The following ADAMTS17 variants were observed in gnomAD, a reference collection of about 807,000 sequenced individuals.
The protein encoded by ADAMTS17 is A disintegrin and metalloproteinase with thrombospondin motifs 17.
A neutral mutation model predicts 141.5 loss-of-function variants in ADAMTS17; 113 were observed. The observed-to-expected ratio is 0.80, with a 90% CI of 0.69 to 0.93. The LOEUF (loss-of-function observed/expected upper bound fraction) is 0.93, where lower values mean the gene tolerates loss of function less well. Among genes scored for constraint, ADAMTS17 ranks in the 40% least tolerant of loss-of-function variants. The probability of loss-of-function intolerance (pLI) is 0.00; values close to 1 mark genes in which losing one functional copy is unlikely to be tolerated. For missense variants in ADAMTS17, 1,659 were observed against 1,517.9 expected (o/e 1.09, Z -1.54); for synonymous variants, 768 against 630.6 (o/e 1.22, Z -3.27).
Position 100,033,672 on chromosome 15 carries a change from T to C in ADAMTS17, c.2591+15185A>G, listed in dbSNP as rs141671490. 1.1e-4 allele frequency among the ~76,000 whole-genome samples: 16 copies of C among 152,348 alleles called. No homozygotes were observed. The East Asian group carries it at 2.9e-3, about 28-fold the overall frequency. On this transcript the variant is annotated intron_variant, in intron 18 of 21. Coordinates refer to ENST00000268070, the MANE Select transcript of ADAMTS17 (RefSeq NM_139057.4). ...GAGCTGAGAAAGACTGATAAGACTT[T>C]GCAGGAACCTGGGTTCTGAGCAGAG...
intron 7 of ADAMTS17, among the ~76,000 whole-genome samples, chr15:100,203,437 T>G (rs187652796): frequency 6.6e-6 from 1 of 152,324 alleles, no homozygotes; most frequent in East Asian, 1.9e-4. Context: ...TTGGGTGTGG[T>G]GGCCCACGCC....
chr15:100,285,695 A>G (rs778104494), intron 3 of ADAMTS17, among the ~76,000 whole-genome samples: 3 of 152,124 alleles, frequency 2.0e-5, no homozygotes, highest in Non-Finnish European at 2.9e-5. Context: ...AGATCCCATG[A>G]CCCGCACGAA....
chr15:100,225,800 G>A (rs2042287032), intron 7 of ADAMTS17, among the ~76,000 whole-genome samples: 1 of 142,558 alleles, frequency 7.0e-6, no homozygotes. Flanking sequence ...CACGGCCTCT[G>A]TGCCCACTCT....
rs530946498 is a variant in ADAMTS17, at chr15:100,057,758, T to C, written c.2138-3704A>G. On this transcript the variant is annotated intron_variant, in intron 15 of 21. Coordinates refer to ENST00000268070, the MANE Select transcript of ADAMTS17 (RefSeq NM_139057.4). ...AAAAGGCAGCTTTCTTCCCACAGGG[T>C]TTCCCAGAGACTGGATGTGAGCCTG... 4.5e-4 allele frequency among the ~76,000 whole-genome samples: 68 copies of C among 152,188 alleles called. No homozygotes were observed. The Middle Eastern group carries it at 0.01, about 23-fold the overall frequency.
At chr15:100,220,386 T>G (rs1302402817) in intron 7 of ADAMTS17, among the ~76,000 whole-genome samples, 1 of 152,168 alleles carries the variant, frequency 6.6e-6, no homozygotes, top group East Asian at 1.9e-4. Flanking sequence ...CCCCGAACGC[T>G]TCACTGTGAA....
chr15:100,112,057 G>T (rs977779780), intron 13 of ADAMTS17, among the ~76,000 whole-genome samples: 2 of 152,228 alleles, frequency 1.3e-5, no homozygotes, highest in African/African-American at 4.8e-5. Context: ...GATTCGAGTA[G>T]AAGTGGAAGT....
chr15:100,198,843 C>T (rs1195912943), intron 8 of ADAMTS17, among the ~76,000 whole-genome samples: 1 of 152,192 alleles, frequency 6.6e-6, no homozygotes, highest in African/African-American at 2.4e-5. Context: ...AGAAGAATCG[C>T]TGTGTGCAAA....
intron 4 of ADAMTS17, among the ~76,000 whole-genome samples, chr15:100,266,848 C>T (rs1459764017): frequency 6.6e-6 from 1 of 152,184 alleles, no homozygotes; most frequent in African/African-American, 2.4e-5. Context: ...TGAATGCTGT[C>T]TGTCGTTCCT....
chr15:99,984,238 G>A (rs2060538373), intron 20 of ADAMTS17, among the ~76,000 whole-genome samples: 1 of 152,200 alleles, frequency 6.6e-6, no homozygotes, highest in Non-Finnish European at 1.5e-5. Context: ...CGCCTCCAGA[G>A]CTCTTGGGGA....
At chr15:100,043,035 A>G (rs992458124) in intron 18 of ADAMTS17, among the ~76,000 whole-genome samples, 5 of 152,246 alleles carry the variant, frequency 3.3e-5, no homozygotes, top group African/African-American at 1.2e-4. Flanking sequence ...TAGGAATTGC[A>G]AGAGCTTCAA....
chr15:100,256,253 C>T (rs140570714), intron 6 of ADAMTS17, among the ~76,000 whole-genome samples: 341 of 152,296 alleles, frequency 2.2e-3, no homozygotes, highest in African/African-American at 7.7e-3. Flanking sequence ...CCCCAAGGTG[C>T]GTTCCTCGAG....
intron 10 of ADAMTS17, among the ~76,000 whole-genome samples, chr15:100,145,146 A>G (rs934139487): frequency 1.1e-4 from 16 of 152,144 alleles, no homozygotes; most frequent in African/African-American, 3.9e-4. Context: ...CACATCCCCC[A>G]AAACTGCTGC....
At chr15:100,282,415 G>C (rs1047773653) in intron 3 of ADAMTS17, among the ~76,000 whole-genome samples, 1 of 151,998 alleles carries the variant, frequency 6.6e-6, no homozygotes, top group African/African-American at 2.4e-5. Context: ...ACCACAGACA[G>C]TACCGAGCCC....
At chr15:100,215,460 A>T (rs567695075) in intron 7 of ADAMTS17, among the ~76,000 whole-genome samples, 47 of 151,952 alleles carry the variant, frequency 3.1e-4, no homozygotes, top group African/African-American at 1.1e-3. Flanking sequence ...AGTATGACCG[A>T]TTCTCCTTCA....
At position 99,972,687 on chromosome 15, in the gene ADAMTS17, G is replaced by GAGCACCCACGGAAGTTT. The variant is rs1225346174; in HGVS notation, c.*1698_*1714dup. On this transcript the variant is annotated 3_prime_UTR_variant, in exon 22 of 22. Coordinates refer to ENST00000268070, the MANE Select transcript of ADAMTS17 (RefSeq NM_139057.4). The stretch of plus-strand genomic sequence containing the variant: ...CCTGACACCCTCGGTTCTTTCCACA[G>GAGCACCCACGGAAGTTT]AGCACCCACGGAAGTTTCTCAACAC... The GAGCACCCACGGAAGTTT allele has an allele frequency of 3.3e-5, 5 of 152,158 alleles. No homozygotes were observed. In the East Asian group the frequency reaches 9.7e-4, roughly 29 times the overall value. 9.4% of individuals were successfully genotyped at this position (152,158 alleles called of 1,614,324 possible).
At chr15:100,234,053 TGAA>T (rs2042576520) in intron 7 of ADAMTS17, among the ~76,000 whole-genome samples, 1 of 152,034 alleles carries the variant, frequency 6.6e-6, no homozygotes, top group African/African-American at 2.4e-5. Context: ...AAAAAACTGT[TGAA>T]GAGGAAGCTC....
intron 12 of ADAMTS17, among the ~76,000 whole-genome samples, chr15:100,128,092 C>T (rs1050696088): frequency 1.3e-5 from 2 of 152,100 alleles, no homozygotes; most frequent in Non-Finnish European, 2.9e-5. Flanking sequence ...GCTTTGGACT[C>T]AAGCAATGCA....
At chr15:100,131,865 C>T (rs1188307345) in intron 12 of ADAMTS17, 142 bp downstream of exon 12, 4 of 1,282,546 alleles carry the variant, frequency 3.1e-6, no homozygotes, top group African/African-American at 2.9e-5. Context: ...GGTCCCTGCA[C>T]CCTGGACCTT....
chr15:100,113,527 G>C (rs948399850), intron 13 of ADAMTS17, among the ~76,000 whole-genome samples: 2 of 152,320 alleles, frequency 1.3e-5, no homozygotes, highest in East Asian at 1.9e-4. Flanking sequence ...TCTGAAGCTT[G>C]AACTGTATGT....
Sources: allele counts gnomAD v4.1 joint callset (sites outside exome capture counted in the v4.1 genomes callset), GRCh38; gene constraint gnomAD v4.1.1; transcripts MANE v1.5; gene names NCBI Gene and HGNC (gene_info 2026-07-23, HGNC 2026-07-21).